The following HS6ST3 variants were observed in gnomAD, a reference collection of about 807,000 sequenced individuals.
HS6ST3 encodes heparan-sulfate 6-O-sulfotransferase 3.
HS6ST3 carries 12 observed loss-of-function variants against 36.7 expected under a neutral mutation model. The observed-to-expected ratio is 0.33, with a 90% confidence interval of 0.21 to 0.53. HS6ST3 has a LOEUF of 0.53. Ranked by LOEUF, HS6ST3 falls within the 20% of genes least tolerant of loss-of-function variation. The pLI is 0.95. For synonymous variants in HS6ST3, 240 were observed against 257.5 expected (o/e 0.93, Z 0.65); for missense variants, 584 against 640.9 (o/e 0.91, Z 0.96).
intron 1 of HS6ST3, among the ~76,000 whole-genome samples, chr13:96,793,588 C>T (rs1453094110): frequency 6.6e-6 from 1 of 152,076 alleles, no homozygotes; most frequent in Non-Finnish European, 1.5e-5. Flanking sequence ...CCCATGGTAG[C>T]ACGTTATTTC....
intron 1 of HS6ST3, among the ~76,000 whole-genome samples, chr13:96,328,577 G>T (rs1402819060): frequency 0.012 from 1,747 of 151,758 alleles, 33 homozygotes; most frequent in African/African-American, 0.04. Context: ...GCTGGATTCG[G>T]TTTGCCAGTA....
At chr13:96,553,650 C>T (rs1332633799) in intron 1 of HS6ST3, among the ~76,000 whole-genome samples, 1 of 152,202 alleles carries the variant, frequency 6.6e-6, no homozygotes, top group East Asian at 1.9e-4. Flanking sequence ...TAGCCCTGCA[C>T]AGATGTGCCC....
chr13:96,394,758 T>C (rs2055412846), intron 1 of HS6ST3, among the ~76,000 whole-genome samples: 1 of 152,180 alleles, frequency 6.6e-6, no homozygotes, highest in South Asian at 2.1e-4. Flanking sequence ...GGTATGATGA[T>C]ACAGAACGGT....
At chr13:96,285,901 C>T (rs1172469217) in intron 1 of HS6ST3, among the ~76,000 whole-genome samples, 2 of 150,778 alleles carry the variant, frequency 1.3e-5, no homozygotes, top group Non-Finnish European at 3.0e-5. Context: ...CCCTCTTTCC[C>T]TCTCTCTCTC....
At chr13:96,375,320 G>A (rs2055309662) in intron 1 of HS6ST3, among the ~76,000 whole-genome samples, 1 of 151,964 alleles carries the variant, frequency 6.6e-6, no homozygotes. Context: ...CATGACCTAT[G>A]GCAATCCTGC....
chr13:96,672,731 C>A (rs879265021), intron 1 of HS6ST3, among the ~76,000 whole-genome samples: 5 of 152,110 alleles, frequency 3.3e-5, no homozygotes, highest in Non-Finnish European at 5.9e-5. Context: ...CTTTAGTTTA[C>A]CCTTGTAAAT....
At chr13:96,115,411 C>T (rs1286630053) in intron 1 of HS6ST3, among the ~76,000 whole-genome samples, 1 of 152,160 alleles carries the variant, frequency 6.6e-6, no homozygotes, top group African/African-American at 2.4e-5. Flanking sequence ...CACCCCATCC[C>T]CCAACAGGCC....
intron 1 of HS6ST3, among the ~76,000 whole-genome samples, chr13:96,474,674 G>T (rs1475891318): frequency 1.3e-5 from 2 of 152,128 alleles, no homozygotes; most frequent in East Asian, 1.9e-4. Flanking sequence ...ACAATAATCG[G>T]CTCCAATGAA....
rs1540608 is a variant in HS6ST3 at position 96,091,851 on chromosome 13, C to A, written c.707+282C>A. 1.2e-4 allele frequency among the ~76,000 whole-genome samples: 19 copies of A among 152,088 alleles called. 1 individual carries two copies. The East Asian group carries it at 3.7e-3, about 29-fold the overall frequency. ...GGATCCTGCCTGTTGCCTAGCACGG[C>A]CTGGCCTCCCTCCCAGTGGACGCTG... On this transcript the variant is annotated intron_variant, in intron 1 of 1. Coordinates refer to ENST00000376705, the MANE Select transcript of HS6ST3 (RefSeq NM_153456.4).
At chr13:96,655,356 C>G (rs1309653330) in intron 1 of HS6ST3, among the ~76,000 whole-genome samples, 1 of 152,014 alleles carries the variant, frequency 6.6e-6, no homozygotes, top group Non-Finnish European at 1.5e-5. Context: ...TGGGGACTAC[C>G]AAAGTGTTGG....
At position 96,191,940 on chromosome 13, in the gene HS6ST3, A is replaced by G. The variant is rs115461589; in HGVS notation, c.707+100371A>G. 3.8e-3 allele frequency among the ~76,000 whole-genome samples: 583 copies of G among 152,320 alleles called. 6 individuals are homozygous for G. Among genetic ancestry groups the G allele is most frequent in the African/African-American group, 0.013 (557 of 41,562 alleles). ...TCAGGCATATGGAAAGAAAAAGAGC[A>G]TTCTTTCGAGTCAGAGAGCATAGGC... On this transcript the variant is annotated intron_variant, in intron 1 of 1. Coordinates refer to ENST00000376705, the MANE Select transcript of HS6ST3 (RefSeq NM_153456.4).
intron 1 of HS6ST3, among the ~76,000 whole-genome samples, chr13:96,416,694 T>C (rs2055534724): frequency 6.6e-6 from 1 of 150,480 alleles, no homozygotes; most frequent in Non-Finnish European, 1.5e-5. Context: ...CTTTCACCAA[T>C]TTCCACTGTC....
intron 1 of HS6ST3, among the ~76,000 whole-genome samples, chr13:96,583,257 A>G (rs1436555932): frequency 9.3e-6 from 1 of 107,298 alleles, no homozygotes; most frequent in East Asian, 3.0e-4. Context: ...TCTGTCACCC[A>G]GGCTGGTGTG....
intron 1 of HS6ST3, among the ~76,000 whole-genome samples, chr13:96,455,793 G>A (rs369817173): frequency 2.0e-5 from 3 of 152,116 alleles, no homozygotes; most frequent in African/African-American, 7.2e-5. Context: ...TCATATTCAG[G>A]TTGTTAGCTA....
chr13:96,632,148 C>G (rs2056534053), intron 1 of HS6ST3, among the ~76,000 whole-genome samples: 1 of 152,136 alleles, frequency 6.6e-6, no homozygotes, highest in South Asian at 2.1e-4. Flanking sequence ...TTTGCCCCTT[C>G]ATCTCTTCTG....
chr13:96,425,084 C>A (rs1566357388), intron 1 of HS6ST3, among the ~76,000 whole-genome samples: 1 of 152,164 alleles, frequency 6.6e-6, no homozygotes, highest in Non-Finnish European at 1.5e-5. Context: ...TAGTGAGAGA[C>A]TACCTACCTG....
chr13:96,456,457 T>C (rs1409073550), intron 1 of HS6ST3, among the ~76,000 whole-genome samples: 14 of 152,172 alleles, frequency 9.2e-5, no homozygotes, highest in Admixed American at 9.2e-4. Flanking sequence ...GCAAATGCAT[T>C]TTCCTAAGTT....
At chr13:96,555,305 A>G (rs552963800) in intron 1 of HS6ST3, among the ~76,000 whole-genome samples, 3 of 152,272 alleles carry the variant, frequency 2.0e-5, no homozygotes, top group East Asian at 3.9e-4. Context: ...CACTATAAAT[A>G]TATACATTTT....
At chr13:96,597,004 A>T (rs1314254562) in intron 1 of HS6ST3, among the ~76,000 whole-genome samples, 2 of 152,202 alleles carry the variant, frequency 1.3e-5, no homozygotes, top group African/African-American at 4.8e-5. Context: ...ATGCAGCCAT[A>T]AAAAACAAAC....
Sources: allele counts gnomAD v4.1 joint callset (sites outside exome capture counted in the v4.1 genomes callset), GRCh38; gene constraint gnomAD v4.1.1; transcripts MANE v1.5; gene names NCBI Gene and HGNC (gene_info 2026-07-23, HGNC 2026-07-21).